BRINP1: variants seen among roughly 807,000 people sequenced by gnomAD.
BRINP1 encodes BMP/retinoic acid inducible neural specific 1.
In BRINP1, 17 loss-of-function variants were observed where a neutral mutation model predicts 72.9. The ratio of observed to expected loss-of-function variants is 0.23; its 90% CI spans 0.16 to 0.35. The LOEUF (loss-of-function observed/expected upper bound fraction) is 0.35. Among genes scored for constraint, BRINP1 ranks in the 10% least tolerant of loss-of-function variants. The probability of loss-of-function intolerance (pLI) is 1.00; values close to 1 mark genes in which losing one functional copy is unlikely to be tolerated. For missense variants in BRINP1, 850 were observed against 1,001.6 expected (o/e 0.85, Z 2.04); for synonymous variants, 418 against 378.5 (o/e 1.10, Z -1.21).
chr9:119,241,340 G>A (rs1436180073), intron 4 of BRINP1, among the ~76,000 whole-genome samples: 2 of 152,046 alleles, frequency 1.3e-5, no homozygotes, highest in East Asian at 3.9e-4. Context: ...TGCCTGTTTT[G>A]GTAAATATAG....
intron 2 of BRINP1, among the ~76,000 whole-genome samples, chr9:119,277,285 C>T (rs920370912): frequency 3.3e-5 from 5 of 152,174 alleles, no homozygotes; most frequent in African/African-American, 9.7e-5. Context: ...TTCGCTCTTT[C>T]GTCCAATGCA....
intron 1 of BRINP1, among the ~76,000 whole-genome samples, chr9:119,317,869 T>C (rs1403736365): frequency 6.6e-6 from 1 of 152,194 alleles, no homozygotes; most frequent in East Asian, 1.9e-4. Context: ...TTTTTAGTAA[T>C]AAAGTGTTTT....
At chr9:119,332,243 A>G (rs1409863608) in intron 1 of BRINP1, among the ~76,000 whole-genome samples, 1 of 152,210 alleles carries the variant, frequency 6.6e-6, no homozygotes, top group Non-Finnish European at 1.5e-5. Context: ...TAACCATTCT[A>G]GCTACCATTT....
intron 2 of BRINP1, among the ~76,000 whole-genome samples, chr9:119,269,476 T>C (rs1296599899): frequency 6.6e-6 from 1 of 152,196 alleles, no homozygotes; most frequent in Non-Finnish European, 1.5e-5. Context: ...TATAATCCCC[T>C]GCTGGTCACT....
chr9:119,272,971 C>G (rs771120374), intron 2 of BRINP1, among the ~76,000 whole-genome samples: 2 of 152,158 alleles, frequency 1.3e-5, no homozygotes, highest in Non-Finnish European at 2.9e-5. Flanking sequence ...CCTGCAGAGC[C>G]AAAAGCCCCA....
chr9:119,187,511 C>T (rs746909062), intron 7 of BRINP1, among the ~76,000 whole-genome samples: 12 of 151,658 alleles, frequency 7.9e-5, no homozygotes, highest in Non-Finnish European at 1.6e-4. Flanking sequence ...CACCCAGAAC[C>T]AGAATTAAGC....
intron 7 of BRINP1, among the ~76,000 whole-genome samples, chr9:119,193,263 T>C (rs1034080628): frequency 1.3e-5 from 2 of 152,104 alleles, no homozygotes; most frequent in Non-Finnish European, 2.9e-5. Flanking sequence ...ATCCTACTGT[T>C]TGTTACAACA....
chr9:119,338,862 G>A (rs1188214043), intron 1 of BRINP1, among the ~76,000 whole-genome samples: 1 of 150,990 alleles, frequency 6.6e-6, no homozygotes, highest in Non-Finnish European at 1.5e-5. Context: ...TCCAGCCCTG[G>A]CGACACAGGG....
At chr9:119,277,128 G>T (rs1830664969) in intron 2 of BRINP1, among the ~76,000 whole-genome samples, 1 of 152,196 alleles carries the variant, frequency 6.6e-6, no homozygotes, top group Non-Finnish European at 1.5e-5. Flanking sequence ...CGCTCAAGCT[G>T]TTGAATTTAT....
intron 2 of BRINP1, among the ~76,000 whole-genome samples, chr9:119,301,722 T>G (rs1830941079): frequency 6.6e-6 from 1 of 152,232 alleles, no homozygotes; most frequent in African/African-American, 2.4e-5. Context: ...TCACATAAGA[T>G]GTAACCATTG....
intron 7 of BRINP1, among the ~76,000 whole-genome samples, chr9:119,192,676 A>G (rs182719388): frequency 1.6e-3 from 250 of 152,218 alleles, no homozygotes; most frequent in Middle Eastern, 6.8e-3. Context: ...GCCATTATAG[A>G]AAACAATATA....
At chr9:119,270,597 A>T (rs1031076204) in intron 2 of BRINP1, among the ~76,000 whole-genome samples, 3 of 152,222 alleles carry the variant, frequency 2.0e-5, no homozygotes, top group Admixed American at 1.3e-4. Flanking sequence ...TGACTTGAGC[A>T]ACTGGAAATA....
chr9:119,213,201 A>G (rs1271916229), intron 6 of BRINP1, among the ~76,000 whole-genome samples: 2 of 152,164 alleles, frequency 1.3e-5, no homozygotes, highest in African/African-American at 4.8e-5. Context: ...GTTTGTTCAC[A>G]GCAACTCCTC....
intron 5 of BRINP1, among the ~76,000 whole-genome samples, chr9:119,235,814 A>G (rs1249492669): frequency 6.6e-6 from 1 of 152,186 alleles, no homozygotes; most frequent in Non-Finnish European, 1.5e-5. Context: ...ATCAGTGTTG[A>G]GAAGAACTTA....
intron 1 of BRINP1, among the ~76,000 whole-genome samples, chr9:119,324,055 G>A (rs1000845157): frequency 2.0e-5 from 3 of 152,280 alleles, no homozygotes; most frequent in African/African-American, 2.4e-5. Flanking sequence ...GTGAAAAGAA[G>A]CAAGTGGTTT....
At position 119,198,651 on chromosome 9, in the gene BRINP1, G is replaced by A. The variant is rs1195907829; in HGVS notation, c.1145+10068C>T. Among the ~76,000 whole-genome samples, 4 of 149,614 alleles carry A rather than the reference G, an allele frequency of 2.7e-5. No individual in the cohort carries two copies. The Admixed American group carries it at 2.7e-4, about 10-fold the overall frequency. On this transcript the variant is annotated intron_variant, in intron 7 of 7. Coordinates refer to ENST00000265922, the MANE Select transcript of BRINP1 (RefSeq NM_014618.3). ...CATCAAATATCTAGGGTCTACTACT[G>A]CTGTGCTCTTGAAAATATTAATTTT... is the stretch of plus-strand genomic sequence containing the variant.
At chr9:119,365,776 A>T (rs1831684486) in intron 1 of BRINP1, among the ~76,000 whole-genome samples, 1 of 152,228 alleles carries the variant, frequency 6.6e-6, no homozygotes, top group African/African-American at 2.4e-5. Context: ...TCTAAACTCA[A>T]CGGGGGCCCA....
intron 7 of BRINP1, among the ~76,000 whole-genome samples, chr9:119,208,432 C>T (rs1829882063): frequency 6.6e-6 from 1 of 152,050 alleles, no homozygotes. Context: ...AGGATAATGC[C>T]ACATAACTAT....
intron 1 of BRINP1, among the ~76,000 whole-genome samples, chr9:119,318,964 AC>A (rs1831157096): frequency 6.6e-6 from 1 of 151,422 alleles, no homozygotes; most frequent in African/African-American, 2.4e-5. Flanking sequence ...CCAAGTGTGG[AC>A]CTTTTGCTCC....
Sources: gnomAD v4.1 joint callset for allele counts (sites outside exome capture counted in the v4.1 genomes callset) on GRCh38, gnomAD v4.1.1 for gene constraint, MANE v1.5 for transcripts, NCBI Gene and HGNC (gene_info 2026-07-23, HGNC 2026-07-21) for gene names.